Variants in LDLRAD3 observed in about 807,000 individuals in gnomAD.
LDLRAD3 encodes the protein low-density lipoprotein receptor class A domain-containing protein 3.
Under a neutral mutation model 29.4 loss-of-function variants are expected in LDLRAD3, and 20 were observed. The observed-to-expected ratio is 0.68, with a 90% CI of 0.48 to 0.99. LDLRAD3 has a LOEUF of 0.99. Among genes scored for constraint, LDLRAD3 ranks in the 50% least tolerant of loss-of-function variants. The probability of loss-of-function intolerance (pLI) is 0.00; values close to 1 mark genes in which losing one functional copy is unlikely to be tolerated. For synonymous variants in LDLRAD3, 157 were observed against 192.7 expected (o/e 0.81, Z 1.53); for missense variants, 420 against 454.3 (o/e 0.92, Z 0.69).
intron 4 of LDLRAD3, among the ~76,000 whole-genome samples, chr11:36,220,845 TCA>T (rs1855416587): frequency 6.6e-6 from 1 of 152,176 alleles, no homozygotes; most frequent in African/African-American, 2.4e-5. Context: ...TTGTCAGAAT[TCA>T]TCTAATGGCA....
rs75038890 is a variant in LDLRAD3 at position 36,122,788 on chromosome 11, G to C, written c.454+24327G>C. Among the ~76,000 whole-genome samples, 671 of 152,220 alleles carry C rather than the reference G, an allele frequency of 4.4e-3. 34 individuals carry two copies. The East Asian group carries it at 0.11, about 25-fold the overall frequency. On this transcript the variant is annotated intron_variant, in intron 4 of 5. Coordinates refer to ENST00000315571, the MANE Select transcript of LDLRAD3 (RefSeq NM_174902.4). ...AATCCCAGCACTTTGGGAGGGCATG[G>C]CAGAAGGATTGCTTAAGCCCAGGAG...
At chr11:36,059,852 T>A (rs1025581570) in intron 2 of LDLRAD3, among the ~76,000 whole-genome samples, 2 of 152,198 alleles carry the variant, frequency 1.3e-5, no homozygotes, top group East Asian at 3.9e-4. Context: ...TGTGAAAGGC[T>A]CTATCCACCC....
At chr11:36,162,509 G>A (rs994112830) in intron 4 of LDLRAD3, among the ~76,000 whole-genome samples, 8 of 152,214 alleles carry the variant, frequency 5.3e-5, no homozygotes, top group African/African-American at 1.7e-4. Context: ...TTAATGCAGG[G>A]AAATGACATG....
At chr11:36,056,568 G>A (rs904233857) in intron 2 of LDLRAD3, among the ~76,000 whole-genome samples, 3 of 152,202 alleles carry the variant, frequency 2.0e-5, no homozygotes, top group African/African-American at 7.2e-5. Context: ...CGGCAGGTCT[G>A]TATGGAGGAG....
intron 4 of LDLRAD3, chr11:36,196,937 A>C (rs150288341): frequency 6.6e-6 from 1 of 152,154 alleles, no homozygotes; most frequent in Admixed American, 6.5e-5. Context: ...GAAGGTTTCA[A>C]ATGAGAGATT....
chr11:36,155,461 T>C (rs1854334534), intron 4 of LDLRAD3, among the ~76,000 whole-genome samples: 1 of 152,200 alleles, frequency 6.6e-6, no homozygotes, highest in Non-Finnish European at 1.5e-5. Context: ...TCCGCGTCTG[T>C]TCCCCAGCTC....
intron 4 of LDLRAD3, among the ~76,000 whole-genome samples, chr11:36,151,373 A>G (rs1158062251): frequency 6.6e-6 from 1 of 152,142 alleles, no homozygotes; most frequent in Admixed American, 6.5e-5. Context: ...CATCGAATAC[A>G]GAAGAGAGGC....
chr11:36,208,141 A>G (rs1855235168), intron 4 of LDLRAD3, among the ~76,000 whole-genome samples: 1 of 152,166 alleles, frequency 6.6e-6, no homozygotes, highest in African/African-American at 2.4e-5. Context: ...CCCCCAAACC[A>G]AACAACAAAA....
intron 1 of LDLRAD3, among the ~76,000 whole-genome samples, chr11:35,996,324 T>A (rs996712876): frequency 6.6e-6 from 1 of 152,102 alleles, no homozygotes; most frequent in Non-Finnish European, 1.5e-5. Context: ...AACGGCCTGA[T>A]GGTGGGGTAG....
At chr11:36,169,315 C>T (rs1327756334) in intron 4 of LDLRAD3, among the ~76,000 whole-genome samples, 1 of 152,192 alleles carries the variant, frequency 6.6e-6, no homozygotes, top group Non-Finnish European at 1.5e-5. Context: ...ATCATCTCTT[C>T]TAGCTGTTTT....
At chr11:36,017,216 T>G (rs1297695356) in intron 1 of LDLRAD3, among the ~76,000 whole-genome samples, 1 of 152,234 alleles carries the variant, frequency 6.6e-6, no homozygotes, top group Non-Finnish European at 1.5e-5. Flanking sequence ...AAAATTGCCC[T>G]GTTGGATGAG....
intron 4 of LDLRAD3, among the ~76,000 whole-genome samples, chr11:36,167,019 T>A (rs1854525808): frequency 1.3e-5 from 2 of 152,198 alleles, no homozygotes; most frequent in African/African-American, 2.4e-5. Flanking sequence ...TAAGATGGTT[T>A]TATGGTCAAC....
At chr11:36,016,752 A>C (rs1287131651) in intron 1 of LDLRAD3, among the ~76,000 whole-genome samples, 4 of 152,206 alleles carry the variant, frequency 2.6e-5, no homozygotes, top group African/African-American at 9.7e-5. Flanking sequence ...ATACATCTAC[A>C]TCTCTAGCGA....
intron 1 of LDLRAD3, among the ~76,000 whole-genome samples, chr11:36,016,404 G>A (rs1852022769): frequency 6.6e-6 from 1 of 152,180 alleles, no homozygotes; most frequent in South Asian, 2.1e-4. Context: ...TACTTCTCTT[G>A]TGCTTTAAGG....
At chr11:36,061,432 T>C (rs2422131) in intron 2 of LDLRAD3, among the ~76,000 whole-genome samples, 152,215 of 152,334 alleles carry the variant, frequency 1, 76,048 homozygotes, top group Middle Eastern at 1. Flanking sequence ...TGAGCCACTG[T>C]GCCTGGCCAA....
rs1024177353 is a variant in LDLRAD3, at chr11:36,081,853, T to C, written c.319+75T>C. ...CCAAACTTGTCCACATTGGTCACCCTCATCATGTGCTTCTTATACCTAGAG... is the reference window on the plus strand; with the variant it reads ...CCAAACTTGTCCACATTGGTCACCCCCATCATGTGCTTCTTATACCTAGAG... On this transcript the variant is annotated intron_variant, in intron 3 of 5. Transcript: ENST00000315571. 12 of 1,564,056 alleles carry C rather than the reference T, an allele frequency of 7.7e-6. 1 individual carries two copies. In the South Asian group the frequency reaches 1.4e-4, roughly 18 times the overall value.
rs1852996686 is a variant in LDLRAD3, at chr11:36,076,212, CTGTCCA to C, written c.194-5439_194-5434del. Among the ~76,000 whole-genome samples the C allele has an allele frequency of 1.5e-5, 2 of 130,476 alleles. 1 individual carries two copies. The highest frequency in any genetic ancestry group is 5.4e-4 in the South Asian group (2 of 3,694). 85.6% of individuals were successfully genotyped at this position (130,476 alleles called of 152,430 possible). A position where few individuals can be genotyped will look rare whatever the true frequency, so the allele number is the denominator to read the frequency against. On this transcript the variant is annotated intron_variant, in intron 2 of 5. Coordinates refer to ENST00000315571, the MANE Select transcript of LDLRAD3 (RefSeq NM_174902.4). ...CAAGTCAATATTTATTTTTGTCTGT[CTGTCCA>C]TCCGTCCATCCATCCATCCATCCAT...
chr11:35,987,774 T>TAC (rs1250098639), intron 1 of LDLRAD3, among the ~76,000 whole-genome samples: 2 of 152,164 alleles, frequency 1.3e-5, no homozygotes, highest in African/African-American at 4.8e-5. Context: ...TTTATATATA[T>TAC]ACCTGGTAAT....
intron 4 of LDLRAD3, among the ~76,000 whole-genome samples, chr11:36,108,964 G>T (rs1383073515): frequency 2.6e-5 from 4 of 152,212 alleles, no homozygotes; most frequent in African/African-American, 7.2e-5. Context: ...GGTAAGGGGG[G>T]ATTCTGACTC....
Sources: gnomAD v4.1 joint callset for allele counts (sites outside exome capture counted in the v4.1 genomes callset) on GRCh38, gnomAD v4.1.1 for gene constraint, MANE v1.5 for transcripts, NCBI Gene and HGNC (gene_info 2026-07-23, HGNC 2026-07-21) for gene names.